PRMT3: variants seen among roughly 807,000 people sequenced by gnomAD.
PRMT3 encodes protein arginine N-methyltransferase 3.
PRMT3 carries 62 observed loss-of-function variants against 71.9 expected under a neutral mutation model. The observed-to-expected ratio is 0.86, with a 90% CI of 0.70 to 1.07. PRMT3 has a LOEUF of 1.07. Among genes scored for constraint, PRMT3 ranks in the 50% least tolerant of loss-of-function variants. The pLI is 0.00. For synonymous variants in PRMT3, 213 were observed against 220.4 expected, an observed-to-expected ratio of 0.97 and a Z score of 0.30; for missense variants, 663 against 643.0, an observed-to-expected ratio of 1.03 and a Z score of -0.34.
At position 20,402,954 on chromosome 11, in the gene PRMT3, A is replaced by G. The variant is rs759433329; in HGVS notation, c.741A>G (p.Ile247Met). ...GAACAGAAAGCTACCGAGATTTCATATACCAAAATCCACATATCTTCAAAG... is the reference window on the plus strand; with the variant it reads ...GAACAGAAAGCTACCGAGATTTCATGTACCAAAATCCACATATCTTCAAAG... Reference protein sequence around the residue: ...KIRTESYRDFIYQNPHIFKDK... With the variant: ...KIRTESYRDFMYQNPHIFKDK... The change falls in exon 8 of 16, where the codon ATA becomes ATG. Residue 247 changes from isoleucine (I) to methionine (M), a missense_variant. By Grantham distance (10) the Ile-to-Met change is conservative. Coordinates refer to ENST00000331079, the MANE Select transcript of PRMT3 (RefSeq NM_005788.4). 5 of 1,608,072 alleles carry G rather than the reference A, an allele frequency of 3.1e-6. No homozygotes were observed. Among genetic ancestry groups the G allele is most frequent in the Non-Finnish European group, 4.3e-6 (5 of 1,174,730 alleles).
intron 8 of PRMT3, chr11:20,406,016 T>A (rs1023401572): frequency 6.6e-6 from 1 of 152,226 alleles, no homozygotes; most frequent in Non-Finnish European, 1.5e-5. Context: ...TCTGTCTCTA[T>A]GATTTTGACT....
rs78999043 is a variant in PRMT3, at chr11:20,390,457, A to C, written c.247+631A>C. Among the ~76,000 whole-genome samples the C allele has an allele frequency of 4.0e-3, 612 of 152,302 alleles. 2 individuals are homozygous for C. The highest frequency in any genetic ancestry group is 5.1e-3 in the Non-Finnish European group (346 of 68,028). ...AGATGTAGGACTTGAAAAAGGACGC[A>C]GGTCATTTGAAAAAAGACAATCAGC... On this transcript the variant is annotated intron_variant, in intron 3 of 15. Transcript: ENST00000331079.
chr11:20,400,280 C>A (rs976003316), intron 7 of PRMT3, among the ~76,000 whole-genome samples: 1 of 152,106 alleles, frequency 6.6e-6, no homozygotes, highest in African/African-American at 2.4e-5. Flanking sequence ...TCATGTCTTT[C>A]CATGACACTA....
intron 13 of PRMT3, among the ~76,000 whole-genome samples, chr11:20,472,244 G>C (rs188240261): frequency 4.6e-5 from 7 of 152,310 alleles, no homozygotes; most frequent in Admixed American, 4.6e-4. Context: ...ATGTTGAATA[G>C]GAGTGGTGAG....
rs539118538 is a variant in PRMT3 at position 20,414,864 on chromosome 11, T to G, written c.893+6832T>G. Among the ~76,000 whole-genome samples, 19 of 152,260 alleles carry G rather than the reference T, an allele frequency of 1.2e-4. No individual in the cohort carries two copies. The South Asian group carries it at 3.9e-3, about 32-fold the overall frequency. ...ATTGTCATGTTTATGCAGGTGTCCT[T>G]CTCTAGACACAAGGACAAGAGCTTT... On this transcript the variant is annotated intron_variant, in intron 9 of 15. Coordinates refer to ENST00000331079, the MANE Select transcript of PRMT3 (RefSeq NM_005788.4).
At chr11:20,483,781 T>C (rs1851004146) in intron 13 of PRMT3, among the ~76,000 whole-genome samples, 1 of 152,182 alleles carries the variant, frequency 6.6e-6, no homozygotes, top group Non-Finnish European at 1.5e-5. Context: ...CCCGTAGCCT[T>C]GTATACTCTT....
chr11:20,419,718 A>G (rs891549769), intron 9 of PRMT3, among the ~76,000 whole-genome samples: 10 of 152,080 alleles, frequency 6.6e-5, no homozygotes, highest in Admixed American at 2.0e-4. Flanking sequence ...TCCTGGTCCC[A>G]TTCATTATTC....
At chr11:20,397,521 C>T (rs913911883) in intron 6 of PRMT3, 56 bp from the exon 7 acceptor site, 66 of 1,575,414 alleles carry the variant, frequency 4.2e-5, no homozygotes, top group Non-Finnish European at 5.6e-5. Flanking sequence ...TCTAGCCTTT[C>T]CTTTATTCAT....
chr11:20,409,786 A>G (rs1326819842), intron 9 of PRMT3, among the ~76,000 whole-genome samples: 1 of 152,120 alleles, frequency 6.6e-6, no homozygotes, highest in African/African-American at 2.4e-5. Context: ...TAAGTACAAC[A>G]TGATCATTTT....
chr11:20,480,092 G>A (rs905553884), intron 13 of PRMT3, among the ~76,000 whole-genome samples: 7 of 152,174 alleles, frequency 4.6e-5, no homozygotes, highest in Non-Finnish European at 7.4e-5. Context: ...TGGAAGGATC[G>A]CTTGAAGCCA....
intron 10 of PRMT3, among the ~76,000 whole-genome samples, chr11:20,435,987 C>T (rs2133364869): frequency 6.6e-6 from 1 of 152,300 alleles, no homozygotes; most frequent in Non-Finnish European, 1.5e-5. Flanking sequence ...GTGTTCCCTT[C>T]AATTTCTTTC....
intron 13 of PRMT3, among the ~76,000 whole-genome samples, chr11:20,474,402 C>G (rs1244014107): frequency 6.6e-6 from 1 of 152,248 alleles, no homozygotes; most frequent in Admixed American, 6.5e-5. Context: ...CAGAATTACA[C>G]TACTTGGCTT....
intron 13 of PRMT3, among the ~76,000 whole-genome samples, chr11:20,480,069 T>C (rs1414246963): frequency 6.6e-6 from 1 of 152,196 alleles, no homozygotes; most frequent in Non-Finnish European, 1.5e-5. Context: ...TTTACACCTG[T>C]AATCCCAACA....
Position 20,397,579 on chromosome 11 carries a change from A to T in PRMT3, c.563A>T (p.Gln188Leu), listed in dbSNP as rs181624720. Reference sequence around the variant, plus strand: ...GGTGTATTTCAAATTGATTACAGACAATTTGCTCAGGATTTTGTGATGCAC... The same window carrying T: ...GGTGTATTTCAAATTGATTACAGACTATTTGCTCAGGATTTTGTGATGCAC... ...RAREDLQKMK[Q>L]FAQDFVMHTD... The change falls in exon 7 of 16, where the codon CAA becomes CTA. Residue 188 changes from glutamine to leucine, a missense_variant and splice_region_variant. Physicochemically the swap from Gln to Leu is moderately radical, Grantham distance 113 (BLOSUM62 -2). Coordinates refer to ENST00000331079, the MANE Select transcript of PRMT3 (RefSeq NM_005788.4). 1 of 1,614,002 alleles carries T rather than the reference A, an allele frequency of 6.2e-7. No homozygotes were observed. Among genetic ancestry groups the T allele is most frequent in the African/African-American group, 1.3e-5 (1 of 75,016 alleles).
At chr11:20,456,426 A>G (rs1037878057) in intron 11 of PRMT3, among the ~76,000 whole-genome samples, 1 of 152,194 alleles carries the variant, frequency 6.6e-6, no homozygotes, top group African/African-American at 2.4e-5. Context: ...ATAAGGTTAG[A>G]TATTAATATT....
chr11:20,403,638 T>C (rs6483675), intron 8 of PRMT3, among the ~76,000 whole-genome samples: 147,676 of 151,762 alleles, frequency 0.97, 72,175 homozygotes, highest in Middle Eastern at 1. Flanking sequence ...TCTTTTCCTC[T>C]CTTTATACAT....
chr11:20,404,889 T>C (rs1186161440), intron 8 of PRMT3, among the ~76,000 whole-genome samples: 1 of 152,162 alleles, frequency 6.6e-6, no homozygotes, highest in Non-Finnish European at 1.5e-5. Context: ...CATCTTCTCT[T>C]AATACTTGGT....
Position 20,445,588 on chromosome 11 carries a change from T to G in PRMT3, c.994-6542T>G, listed in dbSNP as rs539957837. Among the ~76,000 whole-genome samples, 6 of 152,226 alleles carry G rather than the reference T, an allele frequency of 3.9e-5. 1 individual carries two copies. The South Asian group carries it at 1.2e-3, about 32-fold the overall frequency. ...TTGCATAAACTTACAGGTACAGTAA[T>G]AACGAATAGTTATATAATGAACACC... On this transcript the variant is annotated intron_variant, in intron 10 of 15. Coordinates refer to ENST00000331079, the MANE Select transcript of PRMT3 (RefSeq NM_005788.4).
At chr11:20,412,707 C>A (rs1415409764) in intron 9 of PRMT3, among the ~76,000 whole-genome samples, 1 of 145,958 alleles carries the variant, frequency 6.9e-6, no homozygotes, top group Admixed American at 7.1e-5. Flanking sequence ...CTTTAGATAT[C>A]CCAGTTTAAT....
Sources: allele counts gnomAD v4.1 joint callset (sites outside exome capture counted in the v4.1 genomes callset), GRCh38; gene constraint gnomAD v4.1.1; transcripts MANE v1.5; gene names NCBI Gene and HGNC (gene_info 2026-07-23, HGNC 2026-07-21).